Variants in RGMA observed in about 807,000 individuals in gnomAD.
The protein encoded by RGMA is repulsive guidance molecule A.
In RGMA, 10 loss-of-function variants were observed where a neutral mutation model predicts 23.2. That is an observed-to-expected ratio of 0.43 (90% CI 0.27 to 0.73). RGMA has a LOEUF of 0.73. Among genes scored for constraint, RGMA ranks in the 30% least tolerant of loss-of-function variants. The pLI is 0.20. For missense variants in RGMA, 547 were observed against 630.5 expected, an observed-to-expected ratio of 0.87 and a Z score of 1.42; for synonymous variants, 308 against 279.3, an observed-to-expected ratio of 1.10 and a Z score of -1.03.
At chr15:93,047,320 C>G (rs935406227) in intron 3 of RGMA, among the ~76,000 whole-genome samples, 6 of 152,164 alleles carry the variant, frequency 3.9e-5, no homozygotes, top group Non-Finnish European at 8.8e-5. Context: ...TCTTCCACTC[C>G]TTTCCCAGGT....
At chr15:93,086,345 T>G (rs1180869607) in intron 1 of RGMA, among the ~76,000 whole-genome samples, 1 of 152,212 alleles carries the variant, frequency 6.6e-6, no homozygotes, top group Non-Finnish European at 1.5e-5. Flanking sequence ...TCTATGTTTT[T>G]GCTCAATTGC....
chr15:93,044,970 G>A lies in RGMA; in HGVS notation c.*28C>T. 6.5e-7 allele frequency: 1 copy of A among 1,548,064 alleles called. No individual in the cohort carries two copies. The highest frequency in any genetic ancestry group is 8.8e-7 in the Non-Finnish European group (1 of 1,140,960). ...CACATGGGGAAGCCGAGAGGACGGA[G>A]CCCGCGCCTCCCTCCACATCTACGC... is the stretch of plus-strand genomic sequence containing the variant. On this transcript the variant is annotated 3_prime_UTR_variant, in exon 4 of 4. Transcript: ENST00000329082.
chr15:93,050,027 C>T (rs923851952), intron 3 of RGMA, among the ~76,000 whole-genome samples: 5 of 152,256 alleles, frequency 3.3e-5, no homozygotes, highest in South Asian at 2.1e-4. Context: ...TCCTCTGTTC[C>T]TCCATCCGGA....
Position 93,089,054 on chromosome 15 carries a change from G to A in RGMA, c.-122C>T, listed in dbSNP as rs899344265. 3.7e-5 allele frequency: 19 copies of A among 516,288 alleles called. No homozygotes were observed. The highest frequency in any genetic ancestry group is 5.8e-5 in the Non-Finnish European group (19 of 326,204). 32.0% of individuals were successfully genotyped at this position (516,288 alleles called of 1,614,324 possible). A position where few individuals can be genotyped will look rare whatever the true frequency, so the allele number is the denominator to read the frequency against. On this transcript the variant is annotated 5_prime_UTR_variant, in exon 1 of 4. Transcript: ENST00000329082. ...GGCTCCGCTGGCGCTGGTCCCCGCC[G>A]CCCCGGCCGGCTCAGCAGCGGCCCG...
intron 2 of RGMA, among the ~76,000 whole-genome samples, chr15:93,058,317 C>T (rs1260680984): frequency 5.9e-5 from 9 of 152,282 alleles, no homozygotes; most frequent in South Asian, 2.1e-4. Context: ...ACTCCAGCTC[C>T]GCCACTCCAG....
chr15:93,088,432 C>T (rs1034452801), intron 1 of RGMA: 2 of 985,844 alleles, frequency 2.0e-6, no homozygotes, highest in Non-Finnish European at 2.4e-6. Flanking sequence ...GGCAAAGGGC[C>T]GCCGGGACGC....
intron 3 of RGMA, among the ~76,000 whole-genome samples, chr15:93,050,654 A>T (rs1269341443): frequency 6.6e-6 from 1 of 152,164 alleles, no homozygotes; most frequent in Non-Finnish European, 1.5e-5. Context: ...CCTGCACACA[A>T]ATCACAAATC....
chr15:93,081,926 C>T (rs1489441154), intron 1 of RGMA, among the ~76,000 whole-genome samples: 1 of 152,192 alleles, frequency 6.6e-6, no homozygotes, highest in African/African-American at 2.4e-5. Context: ...TTTGTCAAGG[C>T]TAAGGGAATT....
rs934610331 is a variant in RGMA at position 93,088,791 on chromosome 15, G to C, written c.14+128C>G. 19 of 925,942 alleles carry C rather than the reference G, an allele frequency of 2.1e-5. No homozygotes were observed. In the African/African-American group the frequency reaches 3.2e-4, roughly 15 times the overall value. 57.4% of individuals were successfully genotyped at this position (925,942 alleles called of 1,614,324 possible). On this transcript the variant is annotated intron_variant, in intron 1 of 3. Coordinates refer to ENST00000329082, the MANE Select transcript of RGMA (RefSeq NM_020211.3). ...AGAGGCGCAGCAAAGCTCCAAATGT[G>C]GGCAAGATGGGAGCAAGATGAGACG...
chr15:93,045,271 G>T lies in RGMA; in HGVS notation c.1080C>A (p.Ala360=), dbSNP rs377264912. The T allele has an allele frequency of 6.2e-7, 1 of 1,613,008 alleles. No homozygotes were observed. The highest frequency in any genetic ancestry group is 1.7e-5 in the Admixed American group (1 of 59,980). The part of the protein sequence containing the change: ...TAPETFPYET[A]VAKCKEKLPV... ...GCAGCTTCTCCTTGCACTTGGCCAC[G>T]GCTGTCTCGTATGGGAAGGTCTCGG... The change falls in exon 4 of 4, where the codon GCC becomes GCA. Residue 360 remains alanine (A), a synonymous_variant. Transcript: ENST00000329082. This position sits in a 1 kb window ranked among gnomAD's most constrained non-coding sequence, Gnocchi z 6.9.
rs533446839 is a variant in RGMA at position 93,047,556 on chromosome 15, C to T, written c.646-1851G>A. On this transcript the variant is annotated intron_variant, in intron 3 of 3. Transcript: ENST00000329082. ...ACCACTAAGCCCCAACCCCTCACCC[C>T]TCTGTAGGTCAGGGCTCATCCCTCC... is the stretch of plus-strand genomic sequence containing the variant. 2.0e-4 allele frequency among the ~76,000 whole-genome samples: 30 copies of T among 152,264 alleles called. No individual in the cohort carries two copies. In the South Asian group the frequency reaches 5.2e-3, roughly 26 times the overall value.
At chr15:93,065,593 G>A (rs779259985) in intron 2 of RGMA, 142 of 786,320 alleles carry the variant, frequency 1.8e-4, no homozygotes, top group Non-Finnish European at 2.7e-4. Flanking sequence ...ATCACTCCAG[G>A]ATGGTGGTGG....
rs1051581006 is a variant in RGMA at position 93,037,134 on chromosome 15, G to C, written c.*7864C>G. On this transcript the variant is annotated 3_prime_UTR_variant, in exon 4 of 4. Coordinates refer to ENST00000329082, the MANE Select transcript of RGMA (RefSeq NM_020211.3). The surrounding 1 kb of genome is among the most constrained non-coding windows in gnomAD (Gnocchi z 4.3). ...AGAGAACAGCGGCCAGTTACTAAGA[G>C]CACACGGTGGGCCGGCCGCCGCGCT... The C allele has an allele frequency of 6.6e-6, 1 of 152,232 alleles. No individual in the cohort carries two copies. Among genetic ancestry groups the C allele is most frequent in the Non-Finnish European group, 1.5e-5 (1 of 68,064 alleles). 9.4% of individuals were successfully genotyped at this position (152,232 alleles called of 1,614,324 possible).
At chr15:93,084,527 C>T (rs1415518866) in intron 1 of RGMA, among the ~76,000 whole-genome samples, 1 of 151,716 alleles carries the variant, frequency 6.6e-6, no homozygotes, top group African/African-American at 2.4e-5. Context: ...GGCTGGAGTG[C>T]AGTGGTGTGA....
chr15:93,081,492 G>A (rs1184805166), intron 1 of RGMA, among the ~76,000 whole-genome samples: 2 of 152,206 alleles, frequency 1.3e-5, no homozygotes, highest in Non-Finnish European at 2.9e-5. Flanking sequence ...AAGTTTGAAA[G>A]CAGCTTTTGG....
intron 3 of RGMA, among the ~76,000 whole-genome samples, chr15:93,048,491 G>C (rs529198522): frequency 6.6e-6 from 1 of 152,246 alleles, no homozygotes; most frequent in East Asian, 1.9e-4. Flanking sequence ...AGCACCAGGA[G>C]GACCCCAAGC....
At chr15:93,073,060 A>G (rs1895387982) in intron 1 of RGMA, 29 bp from the exon 2 acceptor site, 1 of 1,533,678 alleles carries the variant, frequency 6.5e-7, no homozygotes, top group African/African-American at 1.4e-5. Flanking sequence ...AAAAAAGAAG[A>G]AAATAAATCA....
At chr15:93,082,431 G>C (rs1895573626) in intron 1 of RGMA, among the ~76,000 whole-genome samples, 1 of 152,164 alleles carries the variant, frequency 6.6e-6, no homozygotes, top group South Asian at 2.1e-4. Flanking sequence ...TCACAAACGA[G>C]ACAGACTCAT....
At chr15:93,073,077 GAAGA>G (rs751134531) in intron 1 of RGMA, 46 bp from the exon 2 acceptor site, 1 of 1,507,964 alleles carries the variant, frequency 6.6e-7, no homozygotes, top group South Asian at 1.3e-5. Flanking sequence ...ATCACGCTGC[GAAGA>G]AAGGGCAGCC....
Sources: allele counts gnomAD v4.1 joint callset (sites outside exome capture counted in the v4.1 genomes callset), GRCh38; gene constraint gnomAD v4.1.1; non-coding constraint Gnocchi (gnomAD v3.1); transcripts MANE v1.5; gene names NCBI Gene and HGNC (gene_info 2026-07-23, HGNC 2026-07-21).